CFAP43: variants seen among roughly 807,000 people sequenced by gnomAD.
CFAP43 encodes the protein cilia and flagella associated protein 43, also known as cilia- and flagella-associated protein 43.
Under a neutral mutation model 218.9 loss-of-function variants are expected in CFAP43, and 155 were observed. The ratio of observed to expected loss-of-function variants is 0.71; its 90% CI spans 0.62 to 0.81. The LOEUF is 0.81. CFAP43 is among the 30% of genes least tolerant of loss of function. The pLI is 0.00. For missense variants in CFAP43, 1,778 were observed against 1,954.3 expected (o/e 0.91, Z 1.70); for synonymous variants, 645 against 681.3 (o/e 0.95, Z 0.83).
intron 27 of CFAP43, among the ~76,000 whole-genome samples, chr10:104,154,531 C>T (rs2088438600): frequency 6.6e-6 from 1 of 152,316 alleles, no homozygotes; most frequent in Admixed American, 6.5e-5. Flanking sequence ...AAAAGTCCCA[C>T]AGATTGTGTC....
Position 104,188,422 on chromosome 10 carries a change from CAG to C in CFAP43, c.1547-14_1547-13del, listed in dbSNP as rs2090102085. ...GTCTTTGGCCACCTCTGAAAGCAAA[CAG>C]AGATCAACACCACAAGTGGTCATTG... On this transcript the variant is annotated splice_polypyrimidine_tract_variant and intron_variant, in intron 12 of 37. Transcript: ENST00000357060. 6.2e-7 allele frequency: 1 copy of C among 1,612,078 alleles called. No homozygotes were observed. Among genetic ancestry groups the C allele is most frequent in the Non-Finnish European group, 8.5e-7 (1 of 1,179,200 alleles).
chr10:104,215,262 A>G (rs1308033207), intron 3 of CFAP43, among the ~76,000 whole-genome samples: 1 of 152,218 alleles, frequency 6.6e-6, no homozygotes, highest in Non-Finnish European at 1.5e-5. Flanking sequence ...GTCCCTTGCT[A>G]GATGAAGGAA....
Position 104,130,022 on chromosome 10 carries a change from C to T in CFAP43, c.*117G>A, listed in dbSNP as rs2087106056. 1 of 1,214,568 alleles carries T rather than the reference C, an allele frequency of 8.2e-7. No homozygotes were observed. The highest frequency in any genetic ancestry group is 1.1e-6 in the Non-Finnish European group (1 of 915,292). 75.2% of individuals were successfully genotyped at this position (1,214,568 alleles called of 1,614,324 possible). On this transcript the variant is annotated 3_prime_UTR_variant, in exon 38 of 38. Transcript: ENST00000357060. ...TAAACAATTTTTTATCTAAAACATG[C>T]AACTCAGAGGACATGCTACTTCAAT...
chr10:104,206,860 A>G (rs2090706575), intron 6 of CFAP43, among the ~76,000 whole-genome samples: 1 of 152,162 alleles, frequency 6.6e-6, no homozygotes, highest in Admixed American at 6.5e-5. Flanking sequence ...AGAATAGATC[A>G]GGTTATCTTT....
chr10:104,149,522 A>G (rs1269687350), intron 28 of CFAP43, among the ~76,000 whole-genome samples: 1 of 152,238 alleles, frequency 6.6e-6, no homozygotes, highest in East Asian at 1.9e-4. Flanking sequence ...ATTTGTTTTC[A>G]TCCTCTGAAA....
In CFAP43 at chr10:104,202,918, G is replaced by C. The variant is rs572703577; in HGVS notation, c.1095+754C>G. On this transcript the variant is annotated intron_variant, in intron 8 of 37. Transcript: ENST00000357060. Reference sequence around the variant, plus strand: ...TTCAGGCAGAAAGTCATTGAATTTTGTTTGCAATTCATCTAAAATGATTGT... The same window carrying C: ...TTCAGGCAGAAAGTCATTGAATTTTCTTTGCAATTCATCTAAAATGATTGT... 1.8e-4 allele frequency among the ~76,000 whole-genome samples: 27 copies of C among 150,754 alleles called. No homozygotes were observed. The South Asian group carries it at 5.6e-3, about 31-fold the overall frequency.
intron 24 of CFAP43, among the ~76,000 whole-genome samples, chr10:104,163,252 TAA>T (rs2088971009): frequency 6.6e-6 from 1 of 152,186 alleles, no homozygotes; most frequent in Non-Finnish European, 1.5e-5. Flanking sequence ...AAAATGGAAC[TAA>T]TATCAGTACC....
Position 104,230,800 on chromosome 10 carries a change from C to T in CFAP43, c.109G>A (p.Asp37Asn), listed in dbSNP as rs760232988. 2 of 1,613,372 alleles carry T rather than the reference C, an allele frequency of 1.2e-6. No homozygotes were observed. Among genetic ancestry groups the T allele is most frequent in the East Asian group, 4.5e-5 (2 of 44,856 alleles). The change falls in exon 2 of 38, where the codon GAC (aspartate) becomes AAC (asparagine). Residue 37 changes from aspartate to asparagine, a missense_variant. This residue lies in a region of CFAP43 where 1,553 missense variants were observed against 1,685.2 expected (regional missense o/e 0.92). Transcript: ENST00000357060. ...CCACAAGGGTAGCAAATGGTGTTGT[C>T]GTTGACAAAATGAACATTCTGCTTA... Reference protein sequence around the residue: ...FPKQNVHFVNDNTICYPCGNY... With the variant: ...FPKQNVHFVNNNTICYPCGNY...
At chr10:104,199,485 C>T (rs899066310) in intron 8 of CFAP43, among the ~76,000 whole-genome samples, 3 of 152,186 alleles carry the variant, frequency 2.0e-5, no homozygotes, top group South Asian at 2.1e-4. Flanking sequence ...GCTGGGGTTA[C>T]AGCAGAGGAT....
rs768582746 is a variant in CFAP43 at position 104,214,372 on chromosome 10, C to G, written c.471G>C (p.Val157=). ...LCKKSQPGMD[V]NQMSFNPMNW... is the part of the protein sequence containing the mutation. ...TCATGGGGTTAAAAGACATTTGGTTCACATCCATTCCAGGCTGTGATTTCT... is the reference window on the plus strand; with the variant it reads ...TCATGGGGTTAAAAGACATTTGGTTGACATCCATTCCAGGCTGTGATTTCT... The change falls in exon 4 of 38, where the codon GTG becomes GTC. Residue 157 remains valine (V), a synonymous_variant. Transcript: ENST00000357060. 5.6e-6 allele frequency: 9 copies of G among 1,609,658 alleles called. No homozygotes were observed. The highest frequency in any genetic ancestry group is 1.3e-5 in the African/African-American group (1 of 74,808).
intron 34 of CFAP43, among the ~76,000 whole-genome samples, chr10:104,134,847 G>A (rs2087364532): frequency 6.6e-6 from 1 of 151,996 alleles, no homozygotes; most frequent in African/African-American, 2.4e-5. Context: ...CCAAAAAATA[G>A]AAGAGGAGGG....
chr10:104,218,507 A>C (rs1326368475), intron 3 of CFAP43, among the ~76,000 whole-genome samples: 1 of 151,866 alleles, frequency 6.6e-6, no homozygotes, highest in Non-Finnish European at 1.5e-5. Flanking sequence ...TTGCTCTCTG[A>C]GGTTCTGATT....
Position 104,214,250 on chromosome 10 carries a change from G to A in CFAP43, c.584+9C>T, listed in dbSNP as rs756209988. On this transcript the variant is annotated intron_variant, in intron 4 of 37. Transcript: ENST00000357060. ...ACCATGTTGCTACTGTTGTAACAAA[G>A]GCTCCTACCTTGCTCTGAAACAATG... is the stretch of plus-strand genomic sequence containing the variant. 7.7e-6 allele frequency: 12 copies of A among 1,560,658 alleles called. No homozygotes were observed. The highest frequency in any genetic ancestry group is 1.0e-5 in the Non-Finnish European group (12 of 1,153,448).
In CFAP43 at chr10:104,212,134, T is replaced by C. The variant is rs1169387906; in HGVS notation, c.608A>G (p.Asp203Gly). The change falls in exon 5 of 38, where the codon GAT (aspartate) becomes GGT (glycine). Residue 203 changes from aspartate to glycine, a missense_variant. By Grantham distance (94) the Asp-to-Gly change is moderately conservative (BLOSUM62 -1). This residue lies in a region of CFAP43 where 1,553 missense variants were observed against 1,685.2 expected (regional missense o/e 0.92). Transcript: ENST00000357060. ...ATCCGTTTCATTAAAAAATGACCCATCTTCTAGAGGTAATTTCACCGACCT... is the reference window on the plus strand; with the variant it reads ...ATCCGTTTCATTAAAAAATGACCCACCTTCTAGAGGTAATTTCACCGACCT... ...RARSVKLPLE[D>G]GSFFNETDVV... 7 of 1,613,750 alleles carry C rather than the reference T, an allele frequency of 4.3e-6. No individual in the cohort carries two copies. Among genetic ancestry groups the C allele is most frequent in the East Asian group, 2.2e-5 (1 of 44,848 alleles).
intron 31 of CFAP43, 58 bp from the exon 32 acceptor site, chr10:104,143,697 G>T: frequency 6.6e-7 from 1 of 1,526,484 alleles, no homozygotes; most frequent in Non-Finnish European, 9.0e-7. Context: ...ACATCAATGT[G>T]AAACAATTAG....
In CFAP43 at chr10:104,182,407, G is replaced by T; in HGVS notation, c.2248C>A (p.Pro750Thr). 1 of 1,611,376 alleles carries T rather than the reference G, an allele frequency of 6.2e-7. No homozygotes were observed. Among genetic ancestry groups the T allele is most frequent in the Non-Finnish European group, 8.5e-7 (1 of 1,179,098 alleles). Residue 750 changes from proline to threonine, a missense_variant, in exon 17 of 38, where the codon CCA (proline) becomes ACA (threonine). Pro to Thr is a conservative substitution (Grantham distance 38). This residue lies in a region of CFAP43 where 1,553 missense variants were observed against 1,685.2 expected (regional missense o/e 0.92). Coordinates refer to ENST00000357060, the MANE Select transcript of CFAP43 (RefSeq NM_025145.7). The stretch of plus-strand genomic sequence containing the variant: ...GATCCCAAATCTACGGAAACTTTTG[G>T]TGTTGTGCTTAAATAATGATTCTCC... ...DKENHYLSTT[P>T]KVSVDLGSDS...
intron 27 of CFAP43, among the ~76,000 whole-genome samples, chr10:104,155,568 T>C (rs2088499344): frequency 6.6e-6 from 1 of 151,784 alleles, no homozygotes; most frequent in Non-Finnish European, 1.5e-5. Context: ...CAGGTAAAAA[T>C]GAACTCAGCC....
At chr10:104,165,998 C>T (rs761068885) in intron 23 of CFAP43, among the ~76,000 whole-genome samples, 1 of 152,208 alleles carries the variant, frequency 6.6e-6, no homozygotes, top group African/African-American at 2.4e-5. Flanking sequence ...TGGTCGAACG[C>T]AACTCTTGTA....
intron 19 of CFAP43, 71 bp downstream of exon 19, chr10:104,178,958 C>A: frequency 8.1e-7 from 1 of 1,229,334 alleles, no homozygotes; most frequent in Non-Finnish European, 1.2e-6. Flanking sequence ...CAGGGTAGAA[C>A]AAAATTAAGT....
Sources: gnomAD v4.1 joint callset for allele counts (sites outside exome capture counted in the v4.1 genomes callset) on GRCh38, gnomAD v4.1.1 for gene constraint, gnomAD v4.1.1 regional missense constraint, MANE v1.5 for transcripts, NCBI Gene and HGNC (gene_info 2026-07-23, HGNC 2026-07-21) for gene names.